UNC13C: variants seen among roughly 807,000 people sequenced by gnomAD.
UNC13C encodes the protein unc-13 homolog C.
A neutral mutation model predicts 245.4 loss-of-function variants in UNC13C; 174 were observed. That is an observed-to-expected ratio of 0.71 (90% confidence interval 0.63 to 0.80). The LOEUF is 0.80. UNC13C is among the 30% of genes least tolerant of loss of function. The probability of loss-of-function intolerance (pLI) is 0.00; values close to 1 mark genes in which losing one functional copy is unlikely to be tolerated. For synonymous variants in UNC13C, 992 were observed against 895.1 expected, an observed-to-expected ratio of 1.11 and a Z score of -1.93; for missense variants, 2,829 against 2,602.9, an observed-to-expected ratio of 1.09 and a Z score of -1.89.
chr15:54,434,955 T>G lies in UNC13C; in HGVS notation c.4933+19888T>G, dbSNP rs560687699. Among the ~76,000 whole-genome samples the G allele has an allele frequency of 1.3e-4, 20 of 152,234 alleles. No individual in the cohort carries two copies. In the East Asian group the frequency reaches 3.9e-3, roughly 29 times the overall value. ...GATATTTCTCAAAATAAGGCATTTA[T>G]GCAGCCAACAAACACATGAAAAAAA... On this transcript the variant is annotated intron_variant, in intron 19 of 32. Transcript: ENST00000260323.
chr15:54,075,433 G>A (rs571083993), intron 2 of UNC13C, among the ~76,000 whole-genome samples: 10 of 118,366 alleles, frequency 8.4e-5, no homozygotes, highest in Admixed American at 3.3e-4. Context: ...GCAGTGAGCC[G>A]GAGCTTGCAG....
the UNC13C span, among the ~76,000 whole-genome samples, chr15:53,866,111 G>C: frequency 6.6e-6 from 1 of 152,148 alleles, no homozygotes; most frequent in Non-Finnish European, 1.5e-5. Context: ...GGATAGTAGA[G>C]AAAACTTTTC....
intron 30 of UNC13C, among the ~76,000 whole-genome samples, chr15:54,578,538 A>G (rs1261424278): frequency 6.6e-6 from 1 of 152,220 alleles, no homozygotes; most frequent in Non-Finnish European, 1.5e-5. Context: ...AAGGTAACAT[A>G]CATATATTTT....
intron 30 of UNC13C, among the ~76,000 whole-genome samples, chr15:54,601,086 C>T (rs1899391202): frequency 6.6e-6 from 1 of 152,152 alleles, no homozygotes; most frequent in Non-Finnish European, 1.5e-5. Context: ...CAGCCTGTGG[C>T]TTGAGGGTTG....
chr15:53,991,191 A>G (rs1159075763), intron 1 of UNC13C, among the ~76,000 whole-genome samples: 2 of 152,034 alleles, frequency 1.3e-5, no homozygotes, highest in Admixed American at 6.6e-5. Flanking sequence ...AAGGGTATAT[A>G]TATGTATATG....
intron 19 of UNC13C, among the ~76,000 whole-genome samples, chr15:54,449,545 C>A (rs557383719): frequency 6.6e-6 from 1 of 152,028 alleles, no homozygotes; most frequent in Non-Finnish European, 1.5e-5. Flanking sequence ...TCACTGATAC[C>A]CTTTCTTCCA....
At chr15:54,084,895 T>C (rs1309843844) in intron 2 of UNC13C, among the ~76,000 whole-genome samples, 1 of 152,204 alleles carries the variant, frequency 6.6e-6, no homozygotes, top group East Asian at 1.9e-4. Context: ...AAATGATCTT[T>C]ATTTTGCATT....
chr15:54,274,019 A>G (rs2036763288), intron 10 of UNC13C, among the ~76,000 whole-genome samples: 1 of 152,146 alleles, frequency 6.6e-6, no homozygotes, highest in Non-Finnish European at 1.5e-5. Flanking sequence ...GGTACTCTCC[A>G]CAGTGTTACA....
intron 30 of UNC13C, among the ~76,000 whole-genome samples, chr15:54,620,173 A>C (rs1410199684): frequency 6.6e-6 from 1 of 152,190 alleles, no homozygotes; most frequent in East Asian, 1.9e-4. Flanking sequence ...AGGAGGTTTC[A>C]GAAAAGTGTT....
chr15:53,917,978 G>C, the UNC13C span, among the ~76,000 whole-genome samples: 1 of 152,182 alleles, frequency 6.6e-6, no homozygotes, highest in African/African-American at 2.4e-5. Flanking sequence ...TTTAAGGAAA[G>C]TAAGACATTC....
Position 54,015,002 on chromosome 15 carries a change from A to G in UNC13C, c.2099A>G (p.Lys700Arg). ...VYNKDLEYLG[K>R]CHSDLQDDSE... ...AATAAAGACCTAGAATACTTGGGAA[A>G]GTGCCACAGTGATCTTCAAGATGAC... The change falls in exon 2 of 33, where the codon AAG (lysine) becomes AGG (arginine). Residue 700 changes from lysine (K) to arginine (R), a missense_variant. Lys to Arg is a conservative substitution (Grantham distance 26, BLOSUM62 2). Coordinates refer to ENST00000260323, the MANE Select transcript of UNC13C (RefSeq NM_001080534.3). 6.2e-7 allele frequency: 1 copy of G among 1,613,626 alleles called. No homozygotes were observed. Among genetic ancestry groups the G allele is most frequent in the South Asian group, 1.1e-5 (1 of 91,062 alleles).
At chr15:54,021,092 C>T (rs567136615) in intron 2 of UNC13C, among the ~76,000 whole-genome samples, 15 of 151,794 alleles carry the variant, frequency 9.9e-5, no homozygotes, top group South Asian at 4.2e-4. Context: ...TATATTTATG[C>T]GGTATAATGT....
upstream of UNC13C, among the ~76,000 whole-genome samples, chr15:53,975,393 C>T (rs1893664892): frequency 6.6e-6 from 1 of 152,218 alleles, no homozygotes; most frequent in African/African-American, 2.4e-5. Flanking sequence ...ATCCATTTTG[C>T]CAATCCATTT....
At chr15:53,974,824 T>G (rs1011875012), upstream of UNC13C, 3 of 152,148 alleles carry the variant, frequency 2.0e-5, no homozygotes, top group African/African-American at 7.2e-5. Context: ...TTACCTGGGT[T>G]TTTCTGCCTC....
At chr15:54,202,160 A>T (rs1279456983) in intron 4 of UNC13C, among the ~76,000 whole-genome samples, 1 of 152,066 alleles carries the variant, frequency 6.6e-6, no homozygotes, top group Non-Finnish European at 1.5e-5. Flanking sequence ...CTGCTGAAAG[A>T]AACCTTAGAT....
intron 28 of UNC13C, among the ~76,000 whole-genome samples, chr15:54,551,649 C>T (rs1896739614): frequency 6.6e-6 from 1 of 152,032 alleles, no homozygotes. Flanking sequence ...AATGACCTAA[C>T]AGGATTATTT....
intron 30 of UNC13C, among the ~76,000 whole-genome samples, chr15:54,615,604 T>C (rs1900378354): frequency 2.0e-5 from 3 of 152,082 alleles, no homozygotes; most frequent in Admixed American, 2.0e-4. Context: ...TTGTGGTGCA[T>C]GAATAGATTT....
Position 54,533,051 on chromosome 15 carries a change from A to AT in UNC13C, c.5687dup (p.Leu1896PhefsTer13). The AT allele has an allele frequency of 6.3e-7, 1 of 1,592,622 alleles. No individual in the cohort carries two copies. The highest frequency in any genetic ancestry group is 8.6e-7 in the Non-Finnish European group (1 of 1,169,250). On this transcript the variant is annotated frameshift_variant, in exon 26 of 33. Transcript: ENST00000260323. LOFTEE classifies it high-confidence loss of function. ...GAGATTGTGTTAAGATCTCTTATGGATTTTTTGGACAAAACGTAAGTTTTT... is the reference window on the plus strand; with the variant it reads ...GAGATTGTGTTAAGATCTCTTATGGATTTTTTTGGACAAAACGTAAGTTTTT...
chr15:54,414,738 G>A (rs898777603), intron 18 of UNC13C, among the ~76,000 whole-genome samples: 1 of 151,974 alleles, frequency 6.6e-6, no homozygotes, highest in Non-Finnish European at 1.5e-5. Flanking sequence ...GGAGACCCAG[G>A]CACCATTACT....
Sources: gnomAD v4.1 joint callset for allele counts (sites outside exome capture counted in the v4.1 genomes callset) on GRCh38, gnomAD v4.1.1 for gene constraint, MANE v1.5 for transcripts, NCBI Gene and HGNC (gene_info 2026-07-23, HGNC 2026-07-21) for gene names.